JARID2: variants seen among roughly 807,000 people sequenced by gnomAD.
JARID2 encodes the protein protein Jumonji.
JARID2 carries 21 observed loss-of-function variants against 125.6 expected under a neutral mutation model. The observed-to-expected ratio is 0.17, with a 90% CI of 0.12 to 0.24. The LOEUF (loss-of-function observed/expected upper bound fraction) is 0.24. Ranked by LOEUF, JARID2 falls within the 10% of genes least tolerant of loss-of-function variation. The pLI is 1.00. For missense variants in JARID2, 1,303 were observed against 1,639.6 expected, an observed-to-expected ratio of 0.79 and a Z score of 3.55; for synonymous variants, 736 against 661.6, an observed-to-expected ratio of 1.11 and a Z score of -1.73.
At chr6:15,502,185 G>A (rs1475978461) in intron 8 of JARID2, among the ~76,000 whole-genome samples, 1 of 152,228 alleles carries the variant, frequency 6.6e-6, no homozygotes, top group Admixed American at 6.5e-5. Flanking sequence ...GAGGAGACTC[G>A]CCCCTCCAAG....
At chr6:15,519,992 G>GCC in intron 17 of JARID2, 77 bp from the exon 18 acceptor site, 1 of 1,280,856 alleles carries the variant, frequency 7.8e-7, no homozygotes, top group Non-Finnish European at 1.1e-6. Flanking sequence ...CCCTAAACTT[G>GCC]CCCCTGCATG....
At chr6:15,289,629 G>T (rs1345516438) in intron 1 of JARID2, among the ~76,000 whole-genome samples, 1 of 152,110 alleles carries the variant, frequency 6.6e-6, no homozygotes, top group Non-Finnish European at 1.5e-5. Context: ...GGATGAGGTG[G>T]GTCACTTGAG....
At chr6:15,279,387 G>A (rs771800286) in intron 1 of JARID2, among the ~76,000 whole-genome samples, 4 of 152,130 alleles carry the variant, frequency 2.6e-5, no homozygotes, top group Non-Finnish European at 5.9e-5. Context: ...TGTTGGCGGT[G>A]GGTAAGTTTT....
chr6:15,443,781 T>C (rs1767545889), intron 3 of JARID2, among the ~76,000 whole-genome samples: 1 of 152,088 alleles, frequency 6.6e-6, no homozygotes, highest in African/African-American at 2.4e-5. Flanking sequence ...CTTTTTAAAA[T>C]AGTCCTTAAA....
Position 15,480,071 on chromosome 6 carries a change from G to A in JARID2, c.671-7236G>A, listed in dbSNP as rs1363227435. On this transcript the variant is annotated intron_variant, in intron 5 of 17. Transcript: ENST00000341776. ...GGGATGCCTTGTAATGACATGAAGC[G>A]TACATTTAAATATCTGGCTTGAGAT... is the stretch of plus-strand genomic sequence containing the variant. 5.3e-5 allele frequency among the ~76,000 whole-genome samples: 8 copies of A among 152,204 alleles called. No individual in the cohort carries two copies. In the East Asian group the frequency reaches 9.6e-4, roughly 18 times the overall value.
At chr6:15,447,458 G>T (rs1379491649) in intron 3 of JARID2, among the ~76,000 whole-genome samples, 1 of 152,172 alleles carries the variant, frequency 6.6e-6, no homozygotes, top group Non-Finnish European at 1.5e-5. Flanking sequence ...CTTCTCTGGG[G>T]CTGTGTTACC....
At chr6:15,276,624 TGTG>T (rs1035891942) in intron 1 of JARID2, among the ~76,000 whole-genome samples, 1 of 152,170 alleles carries the variant, frequency 6.6e-6, no homozygotes, top group Non-Finnish European at 1.5e-5. Flanking sequence ...GAAGCCCTGT[TGTG>T]TCTGTTTAGT....
At chr6:15,260,254 C>CT (rs1439909327) in intron 1 of JARID2, among the ~76,000 whole-genome samples, 1 of 152,108 alleles carries the variant, frequency 6.6e-6, no homozygotes, top group Non-Finnish European at 1.5e-5. Flanking sequence ...AACTTCTGAA[C>CT]TTGACTTACT....
chr6:15,445,629 G>C (rs1020261548), intron 3 of JARID2, among the ~76,000 whole-genome samples: 1 of 152,210 alleles, frequency 6.6e-6, no homozygotes, highest in Non-Finnish European at 1.5e-5. Context: ...TGGTCTTGTT[G>C]CATGAGGTGT....
intron 1 of JARID2, among the ~76,000 whole-genome samples, chr6:15,256,180 C>CG (rs1486651628): frequency 1.3e-5 from 2 of 152,168 alleles, no homozygotes; most frequent in Non-Finnish European, 2.9e-5. Flanking sequence ...TCAGGCCTGC[C>CG]GGCGGCCTTC....
chr6:15,486,902 A>C (rs1027102665), intron 5 of JARID2, among the ~76,000 whole-genome samples: 4 of 143,042 alleles, frequency 2.8e-5, no homozygotes, highest in African/African-American at 5.3e-5. Context: ...GTCCATTCTC[A>C]CACTGCTATA....
intron 1 of JARID2, among the ~76,000 whole-genome samples, chr6:15,370,497 C>A (rs532042928): frequency 4.1e-4 from 62 of 152,010 alleles, no homozygotes; most frequent in Non-Finnish European, 7.8e-4. Context: ...GCCACCACGC[C>A]CGGCTAATAT....
chr6:15,251,610 AGTT>A (rs968506146), intron 1 of JARID2, among the ~76,000 whole-genome samples: 11 of 152,252 alleles, frequency 7.2e-5, no homozygotes, highest in African/African-American at 2.2e-4. Context: ...GCCAAGTGTC[AGTT>A]GTTTGTTCCC....
chr6:15,390,960 A>G (rs1764978368), intron 2 of JARID2, among the ~76,000 whole-genome samples: 1 of 152,066 alleles, frequency 6.6e-6, no homozygotes, highest in African/African-American at 2.4e-5. Flanking sequence ...TTTTTTCCTC[A>G]GAGGTGGTAT....
At chr6:15,310,098 G>A (rs1761964738) in intron 1 of JARID2, among the ~76,000 whole-genome samples, 1 of 152,152 alleles carries the variant, frequency 6.6e-6, no homozygotes, top group African/African-American at 2.4e-5. Flanking sequence ...CAGGTTGGCT[G>A]GATGGGCTGG....
chr6:15,329,887 A>G (rs1328965009), intron 1 of JARID2, among the ~76,000 whole-genome samples: 1 of 152,220 alleles, frequency 6.6e-6, no homozygotes, highest in African/African-American at 2.4e-5. Flanking sequence ...CTGATGATTT[A>G]AAAAACATAT....
chr6:15,363,649 C>T (rs1237376374), intron 1 of JARID2, among the ~76,000 whole-genome samples: 2 of 152,126 alleles, frequency 1.3e-5, no homozygotes, highest in Non-Finnish European at 2.9e-5. Flanking sequence ...CACCTCTGAA[C>T]CTCAGTTTCA....
At chr6:15,369,585 T>G (rs1332556723) in intron 1 of JARID2, among the ~76,000 whole-genome samples, 1 of 152,222 alleles carries the variant, frequency 6.6e-6, no homozygotes, top group South Asian at 2.1e-4. Flanking sequence ...CCTGAAGTGG[T>G]TTACAGAGGA....
chr6:15,447,962 GTACTGTT>G (rs1227994770), intron 3 of JARID2, among the ~76,000 whole-genome samples: 2 of 152,338 alleles, frequency 1.3e-5, no homozygotes, highest in Non-Finnish European at 2.9e-5. Context: ...AAGCCTGTCT[GTACTGTT>G]TAGAGGGCTT....
Sources: allele counts gnomAD v4.1 joint callset (sites outside exome capture counted in the v4.1 genomes callset), GRCh38; gene constraint gnomAD v4.1.1; transcripts MANE v1.5; gene names NCBI Gene and HGNC (gene_info 2026-07-23, HGNC 2026-07-21).